Variants in TBC1D30 observed in about 807,000 individuals in gnomAD.
TBC1D30 encodes TBC1 domain family, member 30.
Under a neutral mutation model 63.2 loss-of-function variants are expected in TBC1D30, and 31 were observed. The observed-to-expected ratio is 0.49, with a 90% CI of 0.37 to 0.66. The LOEUF (loss-of-function observed/expected upper bound fraction) is 0.66, where lower values mean the gene tolerates loss of function less well. Among genes scored for constraint, TBC1D30 ranks in the 30% least tolerant of loss-of-function variants. The pLI, the probability that TBC1D30 is intolerant of heterozygous loss-of-function variation, is 0.00. For missense variants in TBC1D30, 810 were observed against 953.6 expected, an observed-to-expected ratio of 0.85 and a Z score of 1.98; for synonymous variants, 307 against 361.5, an observed-to-expected ratio of 0.85 and a Z score of 1.71.
chr12:64,785,938 C>A lies in TBC1D30; in HGVS notation c.536C>A (p.Ser179Ter). 7.8e-7 allele frequency: 1 copy of A among 1,289,824 alleles called. No homozygotes were observed. Among genetic ancestry groups the A allele is most frequent in the Non-Finnish European group, 1.0e-6 (1 of 988,870 alleles). The allele number at this position is 1,289,824 out of a possible 1,614,324, so 79.9% of individuals were successfully genotyped here. A position where few individuals can be genotyped will look rare whatever the true frequency, so the allele number is the denominator to read the frequency against. Reference sequence around the variant, plus strand: ...CTAAAGTACAGAATTGGCATCCAGTCGGCCAAGTTACTTCGGCATCTGAAG... The same window carrying A: ...CTAAAGTACAGAATTGGCATCCAGTAGGCCAAGTTACTTCGGCATCTGAAG... The change falls in exon 2 of 13, where the codon TCG (serine) becomes TAG (stop). Residue 179 changes from serine (S) to a stop codon, truncating the protein, a stop_gained. Transcript: ENST00000542120. LOFTEE classifies it high-confidence loss of function.
intron 2 of TBC1D30, among the ~76,000 whole-genome samples, chr12:64,815,365 G>A (rs1212324532): frequency 2.0e-5 from 3 of 152,144 alleles, no homozygotes; most frequent in Admixed American, 1.3e-4. Flanking sequence ...AAAATTCGCA[G>A]CTACTTTATG....
upstream of TBC1D30, among the ~76,000 whole-genome samples, chr12:64,776,781 A>G (rs972079450): frequency 6.6e-6 from 1 of 152,318 alleles, no homozygotes; most frequent in East Asian, 1.9e-4. Context: ...ATCCTGAAAC[A>G]AAACCTGGCA....
At chr12:64,825,940 C>G (rs528433149) in intron 1 of TBC1D30, among the ~76,000 whole-genome samples, 2 of 152,202 alleles carry the variant, frequency 1.3e-5, no homozygotes, top group Non-Finnish European at 2.9e-5. Context: ...GCAGGAGAAT[C>G]GAGCTGCAGA....
intron 7 of TBC1D30, 116 bp downstream of exon 7, chr12:64,838,967 A>G: frequency 1.9e-6 from 2 of 1,059,984 alleles, no homozygotes; most frequent in Non-Finnish European, 2.7e-6. Context: ...AACTTTTAAA[A>G]TTGCTTTAGC....
chr12:64,803,485 A>G (rs1872697807), intron 2 of TBC1D30, among the ~76,000 whole-genome samples: 1 of 152,222 alleles, frequency 6.6e-6, no homozygotes, highest in Admixed American at 6.5e-5. Flanking sequence ...TTTGCTGTGC[A>G]GAAGCTCTTT....
intron 7 of TBC1D30, among the ~76,000 whole-genome samples, chr12:64,839,672 G>T (rs901962569): frequency 6.6e-6 from 1 of 152,142 alleles, no homozygotes; most frequent in Non-Finnish European, 1.5e-5. Context: ...GTTGTTTCCT[G>T]GGAGACTTCT....
upstream of TBC1D30, among the ~76,000 whole-genome samples, chr12:64,776,755 C>CT (rs1871093106): frequency 6.6e-6 from 1 of 152,194 alleles, no homozygotes; most frequent in South Asian, 2.1e-4. Flanking sequence ...CTAACTCATT[C>CT]TATGAGGCCA....
intron 1 of TBC1D30, among the ~76,000 whole-genome samples, chr12:64,766,658 G>A (rs963167778): frequency 6.6e-6 from 1 of 152,112 alleles, no homozygotes; most frequent in African/African-American, 2.4e-5. Flanking sequence ...GATGAACAAG[G>A]ACATAGAAGA....
Position 64,877,539 on chromosome 12 carries a change from T to C in TBC1D30, c.*1751T>C, listed in dbSNP as rs1302151078. 1 of 152,148 alleles carries C rather than the reference T, an allele frequency of 6.6e-6. No homozygotes were observed. The highest frequency in any genetic ancestry group is 2.4e-5 in the African/African-American group (1 of 41,400). The allele number at this position is 152,148 out of a possible 1,614,324, so 9.4% of individuals were successfully genotyped here. ...CCCCAAAGGAACTGAAGATGGAAAATATGACTAATAAGTTATTGCAGTTTT... is the reference window on the plus strand; with the variant it reads ...CCCCAAAGGAACTGAAGATGGAAAACATGACTAATAAGTTATTGCAGTTTT... On this transcript the variant is annotated 3_prime_UTR_variant, in exon 12 of 12. Coordinates refer to ENST00000539867, the MANE Select transcript of TBC1D30 (RefSeq NM_015279.2).
intron 2 of TBC1D30, among the ~76,000 whole-genome samples, chr12:64,788,192 G>GGT (rs61697442): frequency 0.11 from 15,544 of 145,024 alleles, 766 homozygotes; most frequent in South Asian, 0.18. Flanking sequence ...GGTGTGTAGG[G>GGT]GTGTGTGTGT....
At chr12:64,832,415 C>T in intron 5 of TBC1D30, 111 bp downstream of exon 5, 4 of 1,079,418 alleles carry the variant, frequency 3.7e-6, no homozygotes, top group South Asian at 1.6e-5. Flanking sequence ...TTTGCCACAC[C>T]TTTGTAATGA....
intron 11 of TBC1D30, among the ~76,000 whole-genome samples, chr12:64,872,074 C>T (rs763254093): frequency 6.6e-6 from 1 of 152,214 alleles, no homozygotes; most frequent in Non-Finnish European, 1.5e-5. Context: ...GTCATTCAGG[C>T]TGGAGTGCAG....
chr12:64,819,433 T>G (rs985939723), intron 2 of TBC1D30, among the ~76,000 whole-genome samples: 1 of 110,122 alleles, frequency 9.1e-6, no homozygotes, highest in Non-Finnish European at 1.9e-5. Flanking sequence ...TTTTTTTTTT[T>G]GAAATGGAGT....
chr12:64,868,184 G>A (rs1285557598), intron 10 of TBC1D30: 1 of 159,608 alleles, frequency 6.3e-6, no homozygotes, highest in Non-Finnish European at 1.4e-5. Context: ...CAATCAAAGT[G>A]TTATCTGTCA....
chr12:64,880,059 G>GT lies in TBC1D30; in HGVS notation c.*4272dup, dbSNP rs1420563735. The GT allele has an allele frequency of 6.6e-6, 1 of 152,362 alleles. No homozygotes were observed. Among genetic ancestry groups the GT allele is most frequent in the East Asian group, 1.9e-4 (1 of 5,190 alleles). The allele number at this position is 152,362 out of a possible 1,614,324, so 9.4% of individuals were successfully genotyped here. A position where few individuals can be genotyped will look rare whatever the true frequency, so the allele number is the denominator to read the frequency against. ...CCCCAGGATGGAAATGTGAAGGCCGGTGAGTATTTGGACCATTGAAGTGGG... is the reference window on the plus strand; with the variant it reads ...CCCCAGGATGGAAATGTGAAGGCCGGTTGAGTATTTGGACCATTGAAGTGGG... On this transcript the variant is annotated 3_prime_UTR_variant, in exon 12 of 12. Coordinates refer to ENST00000539867, the MANE Select transcript of TBC1D30 (RefSeq NM_015279.2).
intron 11 of TBC1D30, 149 bp from the exon 12 acceptor site, chr12:64,874,852 C>T (rs1344717567): frequency 2.8e-6 from 2 of 703,116 alleles, no homozygotes; most frequent in Non-Finnish European, 4.6e-6. Flanking sequence ...TTTCTGCTGT[C>T]TTCAGTCACA....
At chr12:64,871,611 T>C (rs1442561328) in intron 11 of TBC1D30, among the ~76,000 whole-genome samples, 1 of 152,244 alleles carries the variant, frequency 6.6e-6, no homozygotes, top group Non-Finnish European at 1.5e-5. Context: ...TGATTCTCAC[T>C]TTATCCTGAG....
At position 64,876,587 on chromosome 12, in the gene TBC1D30, C is replaced by A. The variant is rs1879100595; in HGVS notation, c.*799C>A. On this transcript the variant is annotated 3_prime_UTR_variant, in exon 12 of 12. Transcript: ENST00000539867. ...CTTTGATCCTCAGTGGTACGGATGA[C>A]TTGATGGGCTCCATGCGGAGCCTGG... The A allele has an allele frequency of 2.9e-6, 1 of 348,526 alleles. No homozygotes were observed. The highest frequency in any genetic ancestry group is 2.1e-5 in the African/African-American group (1 of 46,642). 21.6% of individuals were successfully genotyped at this position (348,526 alleles called of 1,614,324 possible).
intron 2 of TBC1D30, among the ~76,000 whole-genome samples, chr12:64,800,623 T>C (rs1026355352): frequency 7.2e-5 from 11 of 151,950 alleles, no homozygotes; most frequent in Admixed American, 5.9e-4. Context: ...CAGAGATCCC[T>C]CAGGTACCAC....
Sources: allele counts gnomAD v4.1 joint callset (sites outside exome capture counted in the v4.1 genomes callset), GRCh38; gene constraint gnomAD v4.1.1; transcripts MANE v1.5; gene names NCBI Gene and HGNC (gene_info 2026-07-23, HGNC 2026-07-21).